The following TRPC5 variants were observed in gnomAD, a reference collection of about 807,000 sequenced individuals.
TRPC5 encodes the protein transient receptor potential cation channel subfamily C member 5, also known as short transient receptor potential channel 5.
Under a neutral mutation model 56.5 loss-of-function variants are expected in TRPC5, and 9 were observed. The observed-to-expected ratio is 0.16, with a 90% CI of 0.10 to 0.28. The LOEUF (loss-of-function observed/expected upper bound fraction) is 0.28. Among genes scored for constraint, TRPC5 ranks in the 10% least tolerant of loss-of-function variants. TRPC5 has a pLI of 1.00. For synonymous variants in TRPC5, 282 were observed against 278.5 expected (o/e 1.01, Z -0.13); for missense variants, 469 against 748.9 (o/e 0.63, Z 4.36).
chrX:111,809,907 TTTTTGTTTTG>T (rs1238424426), intron 7 of TRPC5, among the ~76,000 whole-genome samples: 29 of 108,864 alleles, frequency 2.7e-4, no homozygotes, highest in African/African-American at 9.5e-4. Flanking sequence ...GTTGTTGTTG[TTTTTGTTTTG>T]TTTTGTTTTG....
chrX:111,908,191 GT>G (rs1212341293), intron 3 of TRPC5, among the ~76,000 whole-genome samples: 2 of 110,082 alleles, frequency 1.8e-5, no homozygotes, highest in African/African-American at 3.3e-5. Flanking sequence ...AAGGATTACA[GT>G]TTTTTTTTCT....
intron 6 of TRPC5, among the ~76,000 whole-genome samples, chrX:111,842,240 C>T (rs973360181): frequency 2.3e-4 from 23 of 101,929 alleles, no homozygotes; most frequent in Non-Finnish European, 3.9e-4. Flanking sequence ...CGGGTTCAAG[C>T]GATTCTCCTG....
chrX:111,988,066 A>AT (rs1295578945), intron 1 of TRPC5, among the ~76,000 whole-genome samples: 9 of 112,521 alleles, frequency 8.0e-5, no homozygotes, highest in Non-Finnish European at 1.7e-4. Flanking sequence ...GCAAATAGAT[A>AT]TTTTTTCTGG....
chrX:112,070,982 A>T (rs376344259), intron 1 of TRPC5, among the ~76,000 whole-genome samples: 2 of 111,484 alleles, frequency 1.8e-5, no homozygotes, highest in Middle Eastern at 4.7e-3. Context: ...ATTCTCAAAA[A>T]AATCCTGTGA....
intron 1 of TRPC5, among the ~76,000 whole-genome samples, chrX:112,006,495 G>A (rs1004069657): frequency 7.2e-5 from 8 of 111,237 alleles, no homozygotes; most frequent in African/African-American, 2.6e-4. Flanking sequence ...GGAAACTGAG[G>A]TTCAGAGAGG....
chrX:112,036,865 A>G (rs1016228942), intron 1 of TRPC5, among the ~76,000 whole-genome samples: 1 of 111,148 alleles, frequency 9.0e-6, no homozygotes, highest in Non-Finnish European at 1.9e-5. Context: ...GACCCTTATA[A>G]GCAACGCTGG....
intron 3 of TRPC5, among the ~76,000 whole-genome samples, chrX:111,904,202 T>A (rs1238794051): frequency 8.9e-6 from 1 of 112,470 alleles, no homozygotes; most frequent in African/African-American, 3.2e-5. Context: ...TAATAAATTT[T>A]CTGCTTACCT....
intron 7 of TRPC5, among the ~76,000 whole-genome samples, chrX:111,830,048 G>A (rs897292913): frequency 8.8e-6 from 1 of 113,009 alleles, no homozygotes; most frequent in African/African-American, 3.2e-5. Flanking sequence ...CAAAGCCACA[G>A]AAGTGGAGCT....
At chrX:111,915,628 T>G (rs765118750) in intron 2 of TRPC5, among the ~76,000 whole-genome samples, 2 of 111,943 alleles carry the variant, frequency 1.8e-5, no homozygotes, top group Non-Finnish European at 3.8e-5. Flanking sequence ...TCTGATGCTG[T>G]CTTACATTAT....
intron 1 of TRPC5, among the ~76,000 whole-genome samples, chrX:112,061,939 T>C (rs977343235): frequency 8.9e-6 from 1 of 112,176 alleles, no homozygotes; most frequent in Non-Finnish European, 1.9e-5. Context: ...CCAGGAGCAG[T>C]TTATTTCAAT....
intron 3 of TRPC5, among the ~76,000 whole-genome samples, chrX:111,891,681 C>T (rs1381486654): frequency 9.0e-6 from 1 of 111,140 alleles, no homozygotes; most frequent in Non-Finnish European, 1.9e-5. Flanking sequence ...GCTGAGATTA[C>T]AGGCACCCAC....
intron 7 of TRPC5, among the ~76,000 whole-genome samples, chrX:111,825,090 G>A (rs750065019): frequency 3.1e-4 from 34 of 110,019 alleles, no homozygotes; most frequent in South Asian, 1.2e-3. Flanking sequence ...ATCACTCTAG[G>A]ACTTTCTTTC....
At chrX:111,856,225 C>G (rs1355319741) in intron 3 of TRPC5, among the ~76,000 whole-genome samples, 2 of 110,481 alleles carry the variant, frequency 1.8e-5, no homozygotes, top group East Asian at 5.7e-4. Flanking sequence ...AAGATCAAGA[C>G]GATGGTCTTT....
At chrX:111,899,517 T>C (rs1192500228) in intron 3 of TRPC5, among the ~76,000 whole-genome samples, 1 of 110,992 alleles carries the variant, frequency 9.0e-6, no homozygotes, top group Non-Finnish European at 1.9e-5. Context: ...TGGAAGCATA[T>C]TGATCAAGAG....
At chrX:111,872,908 G>T (rs1486807223) in intron 3 of TRPC5, among the ~76,000 whole-genome samples, 1 of 112,161 alleles carries the variant, frequency 8.9e-6, no homozygotes, top group Admixed American at 9.4e-5. Flanking sequence ...CACTATTGGT[G>T]GGAATACAAA....
chrX:111,817,614 G>A (rs754304157), intron 7 of TRPC5, among the ~76,000 whole-genome samples: 6 of 110,883 alleles, frequency 5.4e-5, no homozygotes, highest in Non-Finnish European at 9.4e-5. Context: ...ATGAGCCACC[G>A]TGCCCGGCCT....
intron 3 of TRPC5, among the ~76,000 whole-genome samples, chrX:111,869,050 C>T (rs1923635963): frequency 1.8e-5 from 2 of 111,650 alleles, no homozygotes; most frequent in Admixed American, 9.5e-5. Flanking sequence ...AAATCAGTGG[C>T]AATGCAAAAG....
chrX:111,777,066 T>A, intron 10 of TRPC5, 64 bp from the exon 11 acceptor site: 1 of 937,499 alleles, frequency 1.1e-6, no homozygotes, highest in Non-Finnish European at 1.4e-6. Context: ...GTAGGCACAT[T>A]AGATACCTTT....
At position 111,769,770 on chromosome X, in the gene TRPC5, G is replaced by C. The variant is rs1047435355; in HGVS notation, c.*6543C>G. On this transcript the variant is annotated 3_prime_UTR_variant, in exon 11 of 11. Coordinates refer to ENST00000262839, the MANE Select transcript of TRPC5 (RefSeq NM_012471.3). Reference sequence around the variant, plus strand: ...GTAGTAGCACTTGAAAATGTTTTTTGTTTGTTCGTTTGTTTGTTTTTAACC... The same window carrying C: ...GTAGTAGCACTTGAAAATGTTTTTTCTTTGTTCGTTTGTTTGTTTTTAACC... Among the ~76,000 whole-genome samples the C allele has an allele frequency of 1.8e-5, 2 of 111,684 alleles. No individual in the cohort carries two copies. The highest frequency in any genetic ancestry group is 3.8e-5 in the Non-Finnish European group (2 of 53,052).
Sources: allele counts gnomAD v4.1 joint callset (sites outside exome capture counted in the v4.1 genomes callset), GRCh38; gene constraint gnomAD v4.1.1; transcripts MANE v1.5; gene names NCBI Gene and HGNC (gene_info 2026-07-23, HGNC 2026-07-21).